The following CSMD1 variants were observed in gnomAD, a reference collection of about 807,000 sequenced individuals.
CSMD1 encodes the protein CUB and Sushi multiple domains 1.
In CSMD1, 213 loss-of-function variants were observed where a neutral mutation model predicts 417.5. The ratio of observed to expected loss-of-function variants is 0.51; its 90% CI spans 0.46 to 0.57. The LOEUF (loss-of-function observed/expected upper bound fraction) is 0.57, where lower values mean the gene tolerates loss of function less well. Among genes scored for constraint, CSMD1 ranks in the 20% least tolerant of loss-of-function variants. The pLI, the probability that CSMD1 is intolerant of heterozygous loss-of-function variation, is 0.00. For synonymous variants in CSMD1, 2,862 were observed against 1,736.8 expected (o/e 1.65, Z -16.11); for missense variants, 6,923 against 4,529.7 (o/e 1.53, Z -15.17).
intron 7 of CSMD1, among the ~76,000 whole-genome samples, chr8:3,636,679 G>C (rs13269614): frequency 0.45 from 69,035 of 152,064 alleles, 15,809 homozygotes; most frequent in Middle Eastern, 0.63. Flanking sequence ...TCTTGATCCT[G>C]TGGAGAGGTG....
intron 3 of CSMD1, among the ~76,000 whole-genome samples, chr8:4,262,246 G>C (rs1803937895): frequency 6.6e-6 from 1 of 152,094 alleles, no homozygotes; most frequent in Non-Finnish European, 1.5e-5. Context: ...TGAAACTCCG[G>C]GGCATGGTGG....
At chr8:3,643,071 CG>C (rs1797386304) in intron 7 of CSMD1, among the ~76,000 whole-genome samples, 1 of 151,676 alleles carries the variant, frequency 6.6e-6, no homozygotes, top group Admixed American at 6.6e-5. Context: ...GTCGACGGCA[CG>C]GGAGAGGGAG....
At chr8:3,162,873 T>C (rs568482295) in intron 37 of CSMD1, among the ~76,000 whole-genome samples, 103 of 152,284 alleles carry the variant, frequency 6.8e-4, no homozygotes, top group African/African-American at 2.3e-3. Flanking sequence ...CCTAGATGAA[T>C]TGCATTCAGT....
At chr8:2,992,276 G>C (rs1208367759) in intron 54 of CSMD1, among the ~76,000 whole-genome samples, 1 of 152,154 alleles carries the variant, frequency 6.6e-6, no homozygotes, top group Non-Finnish European at 1.5e-5. Context: ...AATGGGGACT[G>C]CTTATGGGCT....
intron 1 of CSMD1, among the ~76,000 whole-genome samples, chr8:4,708,484 C>G (rs965375601): frequency 7.2e-5 from 11 of 152,144 alleles, no homozygotes; most frequent in African/African-American, 2.7e-4. Context: ...GGTTACCATC[C>G]TGATAAGTCA....
At chr8:4,768,306 C>T (rs548535750) in intron 1 of CSMD1, among the ~76,000 whole-genome samples, 13 of 152,060 alleles carry the variant, frequency 8.5e-5, no homozygotes, top group South Asian at 6.2e-4. Context: ...CACACTCATT[C>T]GTATACTCGC....
intron 5 of CSMD1, among the ~76,000 whole-genome samples, chr8:3,837,735 A>G (rs1448203676): frequency 6.6e-6 from 1 of 152,006 alleles, no homozygotes. Context: ...CTCTCCTTAA[A>G]ATCCTCCTGG....
chr8:3,043,917 T>A (rs1811271468), intron 50 of CSMD1: 1 of 152,454 alleles, frequency 6.6e-6, no homozygotes, highest in South Asian at 2.1e-4. Context: ...AATTCCTTTT[T>A]TGTATAAATA....
At chr8:3,908,554 A>G (rs1308553085) in intron 5 of CSMD1, among the ~76,000 whole-genome samples, 1 of 152,226 alleles carries the variant, frequency 6.6e-6, no homozygotes, top group African/African-American at 2.4e-5. Flanking sequence ...ACACTTTTGT[A>G]GCTATGGAGC....
intron 1 of CSMD1, among the ~76,000 whole-genome samples, chr8:4,747,054 T>C (rs1449204339): frequency 6.6e-6 from 1 of 152,214 alleles, no homozygotes; most frequent in Admixed American, 6.5e-5. Context: ...CCCACCAGAA[T>C]GGATCACCAT....
intron 2 of CSMD1, among the ~76,000 whole-genome samples, chr8:4,611,262 A>G (rs1292298404): frequency 6.6e-6 from 1 of 152,152 alleles, no homozygotes; most frequent in African/African-American, 2.4e-5. Context: ...TCTTCACTTA[A>G]TCCTGTGTTG....
intron 2 of CSMD1, among the ~76,000 whole-genome samples, chr8:4,444,902 T>C (rs1014480474): frequency 5.9e-5 from 9 of 152,172 alleles, no homozygotes; most frequent in African/African-American, 1.7e-4. Context: ...TCTGACCTTG[T>C]CCAGGTCTTA....
At chr8:4,026,277 T>G (rs1382868313) in intron 4 of CSMD1, among the ~76,000 whole-genome samples, 1 of 152,196 alleles carries the variant, frequency 6.6e-6, no homozygotes, top group Non-Finnish European at 1.5e-5. Flanking sequence ...GGAACGCAAT[T>G]TGAAGTCATA....
intron 3 of CSMD1, among the ~76,000 whole-genome samples, chr8:4,303,204 A>G (rs13269744): frequency 0.74 from 111,995 of 151,872 alleles, 41,489 homozygotes; most frequent in East Asian, 0.85. Context: ...TGAGAATAAC[A>G]TCTGTTAACA....
In CSMD1 at chr8:3,890,648, T is replaced by C. The variant is rs1474191235; in HGVS notation, c.818+107255A>G. On this transcript the variant is annotated intron_variant, in intron 5 of 69. Coordinates refer to ENST00000635120, the MANE Select transcript of CSMD1 (RefSeq NM_033225.6). ...ATTTCAGAGAAATGGAGCATATTTC[T>C]AGTCCCCAAATTTAATAAAACCGAT... Among the ~76,000 whole-genome samples the C allele has an allele frequency of 3.3e-5, 5 of 152,312 alleles. No homozygotes were observed. The Middle Eastern group carries it at 0.01, about 311-fold the overall frequency.
At chr8:4,939,770 C>T (rs1807859412) in intron 1 of CSMD1, among the ~76,000 whole-genome samples, 1 of 152,072 alleles carries the variant, frequency 6.6e-6, no homozygotes, top group Non-Finnish European at 1.5e-5. Context: ...GTACTGCCTA[C>T]TTGAAAACTG....
intron 3 of CSMD1, among the ~76,000 whole-genome samples, chr8:4,077,303 A>ATATATATATATG (rs1799878492): frequency 1.2e-5 from 1 of 81,548 alleles, no homozygotes; most frequent in Admixed American, 1.3e-4. Flanking sequence ...ATGTGTATAT[A>ATATATATATATG]TATATATATA....
intron 1 of CSMD1, among the ~76,000 whole-genome samples, chr8:4,920,481 T>C (rs549569143): frequency 6.6e-6 from 1 of 152,300 alleles, no homozygotes; most frequent in South Asian, 2.1e-4. Flanking sequence ...CAAGATCATT[T>C]TTCTCAGGAA....
chr8:3,020,882 G>C (rs1012165981), intron 51 of CSMD1, among the ~76,000 whole-genome samples: 2 of 152,210 alleles, frequency 1.3e-5, no homozygotes, highest in African/African-American at 4.8e-5. Context: ...TTTGCATTTA[G>C]TAATATGCTA....
Sources: gnomAD v4.1 joint callset for allele counts (sites outside exome capture counted in the v4.1 genomes callset) on GRCh38, gnomAD v4.1.1 for gene constraint, MANE v1.5 for transcripts, NCBI Gene and HGNC (gene_info 2026-07-23, HGNC 2026-07-21) for gene names.